ZNF420: variants seen among roughly 807,000 people sequenced by gnomAD.
ZNF420 encodes the protein zinc finger protein 420, also known as ATM and p53-associated KZNF protein.
In ZNF420, 31 loss-of-function variants were observed where a neutral mutation model predicts 44.7. The ratio of observed to expected loss-of-function variants is 0.69; its 90% CI spans 0.52 to 0.94. The LOEUF is 0.94. Among genes scored for constraint, ZNF420 ranks in the 40% least tolerant of loss-of-function variants. ZNF420 has a pLI of 0.00. For missense variants in ZNF420, 681 were observed against 827.9 expected, an observed-to-expected ratio of 0.82 and a Z score of 2.18; for synonymous variants, 245 against 267.4, an observed-to-expected ratio of 0.92 and a Z score of 0.82.
At chr19:37,095,667 C>T (rs550821403) in intron 4 of ZNF420, among the ~76,000 whole-genome samples, 4 of 152,066 alleles carry the variant, frequency 2.6e-5, no homozygotes, top group East Asian at 1.9e-4. Context: ...GGCGCAATTT[C>T]GGCTCACTGC....
At chr19:37,063,384 C>G (rs1366916531) in intron 1 of ZNF420, among the ~76,000 whole-genome samples, 2 of 152,148 alleles carry the variant, frequency 1.3e-5, no homozygotes, top group Non-Finnish European at 2.9e-5. Flanking sequence ...TGTGAAGACC[C>G]GGTTTCCCTA....
At chr19:37,046,304 A>G (rs1238225664) in intron 1 of ZNF420, among the ~76,000 whole-genome samples, 3 of 152,208 alleles carry the variant, frequency 2.0e-5, no homozygotes, top group East Asian at 3.9e-4. Context: ...ATGTTATGGC[A>G]CAGTAATTCC....
chr19:37,087,666 G>A (rs1479754381), intron 2 of ZNF420, among the ~76,000 whole-genome samples: 5 of 152,150 alleles, frequency 3.3e-5, no homozygotes, highest in African/African-American at 7.2e-5. Flanking sequence ...GTTTGTTTGA[G>A]ACAGAGTCTC....
chr19:37,028,008 C>A (rs1279585299), intron 1 of ZNF420, among the ~76,000 whole-genome samples: 1 of 152,162 alleles, frequency 6.6e-6, no homozygotes, highest in Non-Finnish European at 1.5e-5. Context: ...GCAAAACTGC[C>A]TTCCACAGTG....
At chr19:37,116,358 G>T (rs1970681670) in intron 4 of ZNF420, among the ~76,000 whole-genome samples, 1 of 121,740 alleles carries the variant, frequency 8.2e-6, no homozygotes, top group African/African-American at 3.5e-5. Context: ...AACAGAGCAG[G>T]ACTCCACCTC....
intron 1 of ZNF420, among the ~76,000 whole-genome samples, chr19:37,043,384 G>A (rs2146413620): frequency 6.6e-6 from 1 of 152,274 alleles, no homozygotes; most frequent in Middle Eastern, 3.4e-3. Flanking sequence ...TATCTCACTG[G>A]AGTCCTTCAA....
chr19:37,026,007 C>T (rs1378219831), intron 1 of ZNF420, among the ~76,000 whole-genome samples: 1 of 152,050 alleles, frequency 6.6e-6, no homozygotes. Flanking sequence ...TATAATTTAA[C>T]ATCAATCTTA....
intron 1 of ZNF420, among the ~76,000 whole-genome samples, chr19:37,014,714 A>G (rs990474944): frequency 6.6e-6 from 1 of 152,234 alleles, no homozygotes; most frequent in Admixed American, 6.5e-5. Context: ...GCTCTGAGCC[A>G]GGGCTGGCCT....
intron 1 of ZNF420, among the ~76,000 whole-genome samples, chr19:37,022,386 C>T (rs575334976): frequency 6.6e-6 from 1 of 152,000 alleles, no homozygotes; most frequent in African/African-American, 2.4e-5. Context: ...ACACTTTTGA[C>T]ATTTTAAAAA....
intron 4 of ZNF420, among the ~76,000 whole-genome samples, chr19:37,098,391 A>G (rs1969579964): frequency 6.6e-6 from 1 of 152,202 alleles, no homozygotes; most frequent in African/African-American, 2.4e-5. Flanking sequence ...ATTGCCTTTT[A>G]GGAGCACAGA....
intron 1 of ZNF420, among the ~76,000 whole-genome samples, chr19:37,045,613 G>A (rs918275152): frequency 1.3e-5 from 2 of 152,158 alleles, no homozygotes; most frequent in Non-Finnish European, 2.9e-5. Flanking sequence ...CTCCATTTAC[G>A]TTTTCTTGAG....
At chr19:37,084,358 TC>T (rs1392920042) in intron 2 of ZNF420, among the ~76,000 whole-genome samples, 1 of 152,210 alleles carries the variant, frequency 6.6e-6, no homozygotes, top group African/African-American at 2.4e-5. Flanking sequence ...AGATTTTTTT[TC>T]ATTTTGATTT....
chr19:37,105,087 G>C (rs1472749327), intron 4 of ZNF420, among the ~76,000 whole-genome samples: 5 of 152,252 alleles, frequency 3.3e-5, no homozygotes, highest in Admixed American at 6.5e-5. Context: ...CCTATGTCCT[G>C]AATGGTATTG....
intron 4 of ZNF420, among the ~76,000 whole-genome samples, chr19:37,105,168 T>G (rs180831567): frequency 6.6e-6 from 1 of 152,328 alleles, no homozygotes; most frequent in East Asian, 1.9e-4. Context: ...CTTGAATTAA[T>G]TTTTATATAA....
In ZNF420 at chr19:37,128,895, G is replaced by T. The variant is rs985693507; in HGVS notation, c.1904G>T (p.Arg635Ile). Residue 635 changes from arginine to isoleucine, a missense_variant, in exon 5 of 5, where the codon AGA becomes ATA. Physicochemically the swap from Arg to Ile is moderately conservative, Grantham distance 97. Around this residue, in one of 3 missense-constraint regions of ZNF420, gnomAD observed 280 missense variants for 338.6 expected, o/e 0.83. Transcript: ENST00000337995. ...TQSSHLSRHQ[R>I]IHTGEKPYQC... The stretch of plus-strand genomic sequence containing the variant: ...AGTTCACATCTTTCTCGGCATCAGA[G>T]AATTCATACTGGTGAGAAACCATAT... The T allele has an allele frequency of 1.9e-6, 3 of 1,613,962 alleles. No homozygotes were observed. Among genetic ancestry groups the T allele is most frequent in the African/African-American group, 2.7e-5 (2 of 74,914 alleles).
rs770169975 is a variant in ZNF420 at position 37,128,597 on chromosome 19, T to C, written c.1606T>C (p.Cys536Arg). Residue 536 changes from cysteine to arginine, a missense_variant, in exon 5 of 5, where the codon TGT (cysteine) becomes CGT (arginine). Physicochemically the swap from Cys to Arg is radical, Grantham distance 180 (BLOSUM62 -3). Transcript: ENST00000337995. ...TGAGAAACCCTATGTGTGTAATGAA[T>C]GTGGAAAGGCCTTTGCGCGTGGCTT... ...TGEKPYVCNE[C>R]GKAFARGLLL... 2.2e-5 allele frequency: 36 copies of C among 1,613,672 alleles called. No individual in the cohort carries two copies.
At chr19:37,015,792 A>G (rs1281018990) in intron 1 of ZNF420, among the ~76,000 whole-genome samples, 1 of 152,086 alleles carries the variant, frequency 6.6e-6, no homozygotes, top group Non-Finnish European at 1.5e-5. Flanking sequence ...GAATATTTGG[A>G]CTGCAAACTG....
chr19:37,033,697 A>G (rs1424931293), intron 1 of ZNF420, among the ~76,000 whole-genome samples: 1 of 152,194 alleles, frequency 6.6e-6, no homozygotes, highest in Non-Finnish European at 1.5e-5. Flanking sequence ...TTCAATTCTT[A>G]TGGGTTTAAA....
chr19:37,041,203 A>G (rs1430944883), intron 1 of ZNF420, among the ~76,000 whole-genome samples: 4 of 151,704 alleles, frequency 2.6e-5, no homozygotes, highest in African/African-American at 7.3e-5. Flanking sequence ...CACTCCTGGA[A>G]ATTCTCCTGA....
Sources: allele counts gnomAD v4.1 joint callset (sites outside exome capture counted in the v4.1 genomes callset), GRCh38; gene constraint gnomAD v4.1.1; regional missense constraint gnomAD v4.1.1; transcripts MANE v1.5; gene names NCBI Gene and HGNC (gene_info 2026-07-23, HGNC 2026-07-21).